Variants in ERI1 observed in about 807,000 individuals in gnomAD.
ERI1 encodes the protein exoribonuclease 1.
Under a neutral mutation model 39.7 loss-of-function variants are expected in ERI1, and 39 were observed. The ratio of observed to expected loss-of-function variants is 0.98; its 90% CI spans 0.76 to 1.28. The LOEUF (loss-of-function observed/expected upper bound fraction) is 1.28. Ranked by LOEUF, ERI1 falls within the 50% of genes most tolerant of loss-of-function variation. The pLI is 0.00. For missense variants in ERI1, 581 were observed against 416.9 expected (o/e 1.39, Z -3.43); for synonymous variants, 204 against 149.6 (o/e 1.36, Z -2.65).
intron 3 of ERI1, among the ~76,000 whole-genome samples, chr8:9,094,716 C>T (rs536862543): frequency 6.6e-6 from 1 of 152,270 alleles, no homozygotes; most frequent in South Asian, 2.1e-4. Context: ...TTGGGGATTA[C>T]AAGGTATTTC....
In ERI1 at chr8:9,030,331, C is replaced by A. The variant is rs1797499776; in HGVS notation, c.*297C>A. The A allele has an allele frequency of 9.6e-6, 3 of 311,502 alleles. No homozygotes were observed. Among genetic ancestry groups the A allele is most frequent in the African/African-American group, 2.1e-5 (1 of 48,288 alleles). The allele number at this position is 311,502 out of a possible 1,614,324, so 19.3% of individuals were successfully genotyped here. The stretch of plus-strand genomic sequence containing the variant: ...ATATATTCTTTTTGGTTTTAAAATG[C>A]AAAATCTTATTGGCTGTTCTGTTGA... On this transcript the variant is annotated 3_prime_UTR_variant, in exon 7 of 7. Transcript: ENST00000250263.
rs1455603370 is a variant in ERI1 at position 9,030,342 on chromosome 8, TG to T, written c.*310del. 3.4e-6 allele frequency: 1 copy of T among 292,522 alleles called. No individual in the cohort carries two copies. Among genetic ancestry groups the T allele is most frequent in the Non-Finnish European group, 6.6e-6 (1 of 151,726 alleles). The allele number at this position is 292,522 out of a possible 1,614,324, so 18.1% of individuals were successfully genotyped here. On this transcript the variant is annotated 3_prime_UTR_variant, in exon 7 of 7. Transcript: ENST00000250263. ...TTGGTTTTAAAATGCAAAATCTTAT[TG>T]GCTGTTCTGTTGAATGTCATATCTT...
intron 3 of ERI1, chr8:9,091,385 G>A (rs1221826839): frequency 1.3e-5 from 2 of 152,156 alleles, no homozygotes; most frequent in Non-Finnish European, 2.9e-5. Flanking sequence ...GCTGGGTGTG[G>A]TGGCATGCAC....
In ERI1 at chr8:9,047,933, A is replaced by C. The variant is rs540663966; in HGVS notation, n.299+27469A>C. Among the ~76,000 whole-genome samples the C allele has an allele frequency of 2.0e-5, 3 of 152,364 alleles. No individual in the cohort carries two copies. The East Asian group carries it at 5.8e-4, about 29-fold the overall frequency. On this transcript the variant is annotated intron_variant and non_coding_transcript_variant, in intron 3 of 3. Transcript: ENST00000518663. Reference sequence around the variant, plus strand: ...CAGATGCCTTGGCTTGATCTCTTCAAACAAGTCCAAGAGGGAGATTCTGTT... The same window carrying C: ...CAGATGCCTTGGCTTGATCTCTTCACACAAGTCCAAGAGGGAGATTCTGTT...
At chr8:9,045,293 C>G (rs1406746033) in intron 3 of ERI1, among the ~76,000 whole-genome samples, 1 of 150,764 alleles carries the variant, frequency 6.6e-6, no homozygotes, top group Non-Finnish European at 1.5e-5. Context: ...GCTGGCTTCT[C>G]AGATTTCCAC....
At chr8:9,061,515 G>A (rs1319837470) in intron 3 of ERI1, among the ~76,000 whole-genome samples, 1 of 152,216 alleles carries the variant, frequency 6.6e-6, no homozygotes, top group Non-Finnish European at 1.5e-5. Flanking sequence ...TATTAGGGCA[G>A]TGGCGGCCGC....
intron 4 of ERI1, among the ~76,000 whole-genome samples, chr8:9,018,016 A>C (rs941276195): frequency 6.6e-6 from 1 of 152,182 alleles, no homozygotes; most frequent in Non-Finnish European, 1.5e-5. Flanking sequence ...GTAAGCCGCT[A>C]GGTTCAGGCC....
chr8:9,008,389 G>C (rs773181872), intron 2 of ERI1, among the ~76,000 whole-genome samples: 1 of 152,118 alleles, frequency 6.6e-6, no homozygotes, highest in Non-Finnish European at 1.5e-5. Flanking sequence ...CAATGTATAG[G>C]AGTCTCTGTC....
At chr8:9,079,633 C>T (rs1187012776) in intron 3 of ERI1, among the ~76,000 whole-genome samples, 1 of 152,146 alleles carries the variant, frequency 6.6e-6, no homozygotes, top group Admixed American at 6.5e-5. Flanking sequence ...GACTCAGCCC[C>T]AGGTAGCCTT....
chr8:9,003,606 T>C (rs1815616957), intron 1 of ERI1, among the ~76,000 whole-genome samples: 1 of 152,228 alleles, frequency 6.6e-6, no homozygotes, highest in Non-Finnish European at 1.5e-5. Context: ...CCAGCATCCC[T>C]GTCTCTGTAC....
intron 3 of ERI1, among the ~76,000 whole-genome samples, chr8:9,051,269 G>A (rs1438739476): frequency 6.6e-6 from 1 of 152,004 alleles, no homozygotes; most frequent in Admixed American, 6.6e-5. Context: ...CTTGTTGCTG[G>A]TGGGGACTCT....
chr8:9,060,864 G>A (rs1052223795), intron 3 of ERI1, among the ~76,000 whole-genome samples: 1 of 152,228 alleles, frequency 6.6e-6, no homozygotes, highest in African/African-American at 2.4e-5. Context: ...AATGACCCCA[G>A]CTTCTTTTGG....
chr8:9,013,771 T>C (rs1563315800), intron 3 of ERI1, among the ~76,000 whole-genome samples: 1 of 152,130 alleles, frequency 6.6e-6, no homozygotes, highest in Non-Finnish European at 1.5e-5. Flanking sequence ...TTAGAATCCT[T>C]CTAATTGCTC....
intron 3 of ERI1, among the ~76,000 whole-genome samples, chr8:9,043,425 T>C (rs982594499): frequency 6.6e-6 from 1 of 152,194 alleles, no homozygotes; most frequent in East Asian, 1.9e-4. Context: ...CCCAAGCATG[T>C]AGAGGCCAGG....
At chr8:9,034,518 T>G (rs1361685120), downstream of ERI1, among the ~76,000 whole-genome samples, 2 of 152,212 alleles carry the variant, frequency 1.3e-5, no homozygotes, top group Non-Finnish European at 2.9e-5. Context: ...TTAGGGTGAT[T>G]TGTAATCAGT....
At chr8:9,045,736 G>T (rs1178381523) in intron 3 of ERI1, among the ~76,000 whole-genome samples, 6 of 150,846 alleles carry the variant, frequency 4.0e-5, no homozygotes, top group African/African-American at 9.8e-5. Context: ...GAGGGCAGTG[G>T]CACAATCTCG....
At chr8:9,081,608 A>G (rs1351497758) in intron 3 of ERI1, among the ~76,000 whole-genome samples, 1 of 151,588 alleles carries the variant, frequency 6.6e-6, no homozygotes, top group Non-Finnish European at 1.5e-5. Context: ...TATGGCTCTC[A>G]GAATTCTTGT....
intron 3 of ERI1, among the ~76,000 whole-genome samples, chr8:9,068,083 A>G (rs1798937949): frequency 2.0e-5 from 3 of 152,230 alleles, no homozygotes; most frequent in East Asian, 3.8e-4. Flanking sequence ...AGCAGAGAAC[A>G]TATATTTTCA....
chr8:9,006,080 T>C (rs190772284), intron 1 of ERI1, among the ~76,000 whole-genome samples: 12 of 152,366 alleles, frequency 7.9e-5, no homozygotes, highest in Non-Finnish European at 1.6e-4. Context: ...GATGCAAATG[T>C]AAGTATGTAT....
Sources: gnomAD v4.1 joint callset for allele counts (sites outside exome capture counted in the v4.1 genomes callset) on GRCh38, gnomAD v4.1.1 for gene constraint, MANE v1.5 for transcripts, NCBI Gene and HGNC (gene_info 2026-07-23, HGNC 2026-07-21) for gene names.